KDM2B: variants seen among roughly 807,000 people sequenced by gnomAD.
The protein encoded by KDM2B is lysine-specific demethylase 2B.
KDM2B carries 26 observed loss-of-function variants against 150.0 expected under a neutral mutation model. The observed-to-expected ratio is 0.17, with a 90% CI of 0.13 to 0.24. The LOEUF is 0.24. Ranked by LOEUF, KDM2B falls within the 10% of genes least tolerant of loss-of-function variation. KDM2B has a pLI of 1.00. For missense variants in KDM2B, 1,265 were observed against 1,816.9 expected, an observed-to-expected ratio of 0.70 and a Z score of 5.52; for synonymous variants, 734 against 729.5, an observed-to-expected ratio of 1.01 and a Z score of -0.10.
downstream of KDM2B, among the ~76,000 whole-genome samples, chr12:121,427,669 T>G (rs945761523): frequency 1.3e-5 from 2 of 152,258 alleles, no homozygotes; most frequent in Non-Finnish European, 2.9e-5. Context: ...GTCCTGAAAC[T>G]ACAGATCTGC....
chr12:121,491,434 AT>A (rs1883335060), intron 12 of KDM2B, among the ~76,000 whole-genome samples: 1 of 151,906 alleles, frequency 6.6e-6, no homozygotes, highest in Non-Finnish European at 1.5e-5. Context: ...GACCTGGGGT[AT>A]TCATTCTTCT....
intron 4 of KDM2B, among the ~76,000 whole-genome samples, chr12:121,550,997 C>T (rs1889444652): frequency 6.6e-6 from 1 of 152,130 alleles, no homozygotes. Flanking sequence ...CTCCGTGCGA[C>T]AATGGCAGAG....
At chr12:121,525,900 C>T (rs138266754) in intron 8 of KDM2B, among the ~76,000 whole-genome samples, 2 of 152,298 alleles carry the variant, frequency 1.3e-5, no homozygotes, top group Non-Finnish European at 2.9e-5. Flanking sequence ...CCAGGCACTG[C>T]CATCCCCACT....
intron 12 of KDM2B, among the ~76,000 whole-genome samples, chr12:121,462,166 G>A (rs147355298): frequency 8.1e-4 from 123 of 152,298 alleles, no homozygotes; most frequent in African/African-American, 2.3e-3. Context: ...TGTATCGCAC[G>A]ACACAGCTGT....
intron 12 of KDM2B, among the ~76,000 whole-genome samples, chr12:121,466,481 G>A (rs1230831442): frequency 6.6e-6 from 1 of 152,166 alleles, no homozygotes; most frequent in South Asian, 2.1e-4. Context: ...ATCCACCGAG[G>A]CCAACTCCTG....
At chr12:121,431,987 G>A (rs140042474) in intron 22 of KDM2B, among the ~76,000 whole-genome samples, 28 of 149,568 alleles carry the variant, frequency 1.9e-4, no homozygotes, top group Non-Finnish European at 3.2e-4. Flanking sequence ...AGGTTCAAGC[G>A]ATTCTGCCTC....
chr12:121,458,076 C>T lies in KDM2B; in HGVS notation c.1735-4732G>A, dbSNP rs577086032. Among the ~76,000 whole-genome samples the T allele has an allele frequency of 3.2e-4, 48 of 152,234 alleles. 1 individual carries two copies. The highest frequency in any genetic ancestry group is 4.9e-4 in the Non-Finnish European group (33 of 68,024). Reference sequence around the variant, plus strand: ...CCCAAAGTGATCAACAGACTCAACGCGACCCCAAGCAAAATCCCAACTGGG... The same window carrying T: ...CCCAAAGTGATCAACAGACTCAACGTGACCCCAAGCAAAATCCCAACTGGG... On this transcript the variant is annotated intron_variant, in intron 12 of 22. Transcript: ENST00000377071.
intron 11 of KDM2B, among the ~76,000 whole-genome samples, chr12:121,498,712 A>T (rs1302876203): frequency 1.3e-5 from 2 of 152,306 alleles, no homozygotes; most frequent in South Asian, 2.1e-4. Context: ...CTAACTCACA[A>T]GCATTGAGGT....
intron 17 of KDM2B, 74 bp downstream of exon 17, chr12:121,443,606 G>T (rs1438948559): frequency 5.9e-6 from 5 of 851,906 alleles, no homozygotes; most frequent in African/African-American, 4.9e-5. Flanking sequence ...TGGAGGACCA[G>T]CGGGGTGGGG....
chr12:121,431,979 G>A (rs909322326), intron 22 of KDM2B, among the ~76,000 whole-genome samples: 1 of 150,016 alleles, frequency 6.7e-6, no homozygotes, highest in Non-Finnish European at 1.5e-5. Flanking sequence ...CCCTTCCCAG[G>A]TTCAAGCGAT....
At chr12:121,567,822 G>A (rs1051243954) in intron 4 of KDM2B, among the ~76,000 whole-genome samples, 3 of 148,408 alleles carry the variant, frequency 2.0e-5, no homozygotes, top group South Asian at 2.1e-4. Flanking sequence ...GCCATTCTCC[G>A]GGTTCAAGCA....
At position 121,443,795 on chromosome 12, in the gene KDM2B, TA is replaced by T; in HGVS notation, c.2452-3del. 1 of 1,555,234 alleles carries T rather than the reference TA, an allele frequency of 6.4e-7. No individual in the cohort carries two copies. Among genetic ancestry groups the T allele is most frequent in the Non-Finnish European group, 8.8e-7 (1 of 1,139,662 alleles). On this transcript the variant is annotated splice_polypyrimidine_tract_variant and splice_region_variant and intron_variant, in intron 16 of 22. Coordinates refer to ENST00000377071, the MANE Select transcript of KDM2B (RefSeq NM_032590.5). ...GGGGGACGTTTGAAGCGATGAGGCC[TA>T]AAGGGGGGTGGAGTGGGAAGAGGAG...
At chr12:121,493,126 T>C (rs1431144602) in intron 12 of KDM2B, among the ~76,000 whole-genome samples, 1 of 146,996 alleles carries the variant, frequency 6.8e-6, no homozygotes, top group Non-Finnish European at 1.5e-5. Context: ...CAGGTTGATC[T>C]TGAACTCCTG....
Position 121,453,061 on chromosome 12 carries a change from C to A in KDM2B, c.1959+59G>T. The A allele has an allele frequency of 7.1e-7, 1 of 1,417,696 alleles. No individual in the cohort carries two copies. The allele number at this position is 1,417,696 out of a possible 1,614,324, so 87.8% of individuals were successfully genotyped here. A position where few individuals can be genotyped will look rare whatever the true frequency, so the allele number is the denominator to read the frequency against. ...GGCCAGAGCGAGCAGCGGTCAGACACGCGGGCCGGCACGCAGGGGCCTGAA... is the reference window on the plus strand; with the variant it reads ...GGCCAGAGCGAGCAGCGGTCAGACAAGCGGGCCGGCACGCAGGGGCCTGAA... On this transcript the variant is annotated intron_variant, in intron 13 of 22. Coordinates refer to ENST00000377071, the MANE Select transcript of KDM2B (RefSeq NM_032590.5). This position sits in a 1 kb window ranked among gnomAD's most constrained non-coding sequence, Gnocchi z 6.4.
In KDM2B at chr12:121,442,119, G is replaced by A. The variant is rs782626236; in HGVS notation, c.3284+38C>T. ...CCACGGGCCATCCCTGGTGCCGCCT[G>A]AGCCTTAACCTAGAGCCCTACACAG... On this transcript the variant is annotated intron_variant, in intron 19 of 22. Coordinates refer to ENST00000377071, the MANE Select transcript of KDM2B (RefSeq NM_032590.5). The surrounding 1 kb of genome is among the most constrained non-coding windows in gnomAD (Gnocchi z 7.7). 1.3e-6 allele frequency: 2 copies of A among 1,578,282 alleles called. No homozygotes were observed. Among genetic ancestry groups the A allele is most frequent in the Non-Finnish European group, 1.7e-6 (2 of 1,149,462 alleles).
intron 4 of KDM2B, among the ~76,000 whole-genome samples, chr12:121,552,299 A>G (rs1254279674): frequency 1.3e-5 from 2 of 152,118 alleles, no homozygotes; most frequent in African/African-American, 4.8e-5. Context: ...TTTGAATCCA[A>G]TTCATTCTAA....
chr12:121,467,996 G>C lies in KDM2B; in HGVS notation c.1735-14652C>G, dbSNP rs1356336302. 1 of 152,706 alleles carries C rather than the reference G, an allele frequency of 6.5e-6. No homozygotes were observed. The highest frequency in any genetic ancestry group is 1.5e-5 in the Non-Finnish European group (1 of 68,460). 9.5% of individuals were successfully genotyped at this position (152,706 alleles called of 1,614,324 possible). On this transcript the variant is annotated intron_variant, in intron 12 of 22. Transcript: ENST00000377071. This position sits in a 1 kb window ranked among gnomAD's most constrained non-coding sequence, Gnocchi z 5.1. ...TCCTGGCGCTGCACCTCCGGCACTC[G>C]GGTTCGCCTTTGCAGGGTCAAGTAG...
intron 4 of KDM2B, among the ~76,000 whole-genome samples, chr12:121,563,500 G>A (rs1294613281): frequency 1.3e-5 from 2 of 151,846 alleles, no homozygotes; most frequent in Admixed American, 1.3e-4. Flanking sequence ...CTGGCTACTC[G>A]GGAGGCTGAG....
At chr12:121,561,815 A>AG (rs1405521604) in intron 4 of KDM2B, among the ~76,000 whole-genome samples, 3 of 152,208 alleles carry the variant, frequency 2.0e-5, no homozygotes, top group African/African-American at 7.2e-5. Flanking sequence ...GAAATGGGGA[A>AG]GCAGGACTGG....
Sources: allele counts gnomAD v4.1 joint callset (sites outside exome capture counted in the v4.1 genomes callset), GRCh38; gene constraint gnomAD v4.1.1; non-coding constraint Gnocchi (gnomAD v3.1); transcripts MANE v1.5; gene names NCBI Gene and HGNC (gene_info 2026-07-23, HGNC 2026-07-21).